The following EVC variants were observed in gnomAD, a reference collection of about 807,000 sequenced individuals.
EVC encodes the protein EvC ciliary complex subunit 1, also known as evC complex member EVC.
A neutral mutation model predicts 118.9 loss-of-function variants in EVC; 116 were observed. That is an observed-to-expected ratio of 0.98 (90% CI 0.84 to 1.14). The LOEUF (loss-of-function observed/expected upper bound fraction) is 1.14. Ranked by LOEUF, EVC falls within the 50% of genes most tolerant of loss-of-function variation. EVC has a pLI of 0.00. For synonymous variants in EVC, 619 were observed against 534.7 expected (o/e 1.16, Z -2.18); for missense variants, 1,401 against 1,246.4 (o/e 1.12, Z -1.87).
intron 13 of EVC, 117 bp downstream of exon 13, chr4:5,793,834 T>A: frequency 1.3e-6 from 1 of 777,168 alleles, no homozygotes; most frequent in Non-Finnish European, 2.3e-6. Flanking sequence ...CCTTTGAATG[T>A]AAATGACTTA....
downstream of EVC, among the ~76,000 whole-genome samples, chr4:5,819,268 T>C (rs557728133): frequency 7.9e-4 from 121 of 152,320 alleles, no homozygotes; most frequent in African/African-American, 2.9e-3. Flanking sequence ...TCCTAATCCC[T>C]GGGCCTGTGA....
chr4:5,824,668 T>TTGACATCCTAGATGTTGC, the EVC span: 10,310 of 962,792 alleles, frequency 0.011, 835 homozygotes, highest in African/African-American at 0.17. Flanking sequence ...ATCCTAGATG[T>TTGACATCCTAGATGTTGC]TGACATCCTA....
At chr4:5,825,448 T>A in the EVC span, 1 of 1,525,322 alleles carries the variant, frequency 6.6e-7, no homozygotes, top group Non-Finnish European at 8.7e-7. The surrounding 1 kb of genome is among the most constrained non-coding windows in gnomAD (Gnocchi z 4.4). Flanking sequence ...GGACTCGGCC[T>A]GAACTGCTGC....
chr4:5,756,023 C>T lies in EVC; in HGVS notation c.1465-241C>T, dbSNP rs1731117162. 6.6e-6 allele frequency among the ~76,000 whole-genome samples: 1 copy of T among 152,144 alleles called. No homozygotes were observed. Among genetic ancestry groups the T allele is most frequent in the African/African-American group, 2.4e-5 (1 of 41,426 alleles). On this transcript the variant is annotated intron_variant, in intron 10 of 20. Transcript: ENST00000264956. This position sits in a 1 kb window ranked among gnomAD's most constrained non-coding sequence, Gnocchi z 4.2. ...CAGAAGTGGTCCAGTGGCCCCTCCT[C>T]ATCCTGGCTTTAACAAAAGCGTGGT... is the stretch of plus-strand genomic sequence containing the variant.
intron 11 of EVC, among the ~76,000 whole-genome samples, chr4:5,768,570 T>A (rs953396609): frequency 1.3e-5 from 2 of 152,086 alleles, no homozygotes; most frequent in African/African-American, 4.8e-5. Context: ...TCAAAATGTA[T>A]TCTCGGCTGG....
At chr4:5,761,353 AC>A (rs1330385874) in intron 11 of EVC, among the ~76,000 whole-genome samples, 1 of 151,994 alleles carries the variant, frequency 6.6e-6, no homozygotes, top group Non-Finnish European at 1.5e-5. Context: ...AAAATGAATG[AC>A]TGAAGCAGGT....
At chr4:5,823,534 G>A in the EVC span, among the ~76,000 whole-genome samples, 4 of 152,226 alleles carry the variant, frequency 2.6e-5, no homozygotes, top group Non-Finnish European at 5.9e-5. Context: ...CCTAATGGGA[G>A]GGGTTTGGGT....
intron 11 of EVC, among the ~76,000 whole-genome samples, chr4:5,764,581 C>T (rs1017498627): frequency 2.7e-5 from 4 of 150,438 alleles, no homozygotes; most frequent in African/African-American, 9.8e-5. Context: ...AACTTCAGCT[C>T]CTGTTATTGG....
chr4:5,788,922 G>C (rs993941485), intron 12 of EVC, among the ~76,000 whole-genome samples: 1 of 150,544 alleles, frequency 6.6e-6, no homozygotes, highest in Non-Finnish European at 1.5e-5. Flanking sequence ...GCTGTCATTC[G>C]TGTTAGTGCA....
intron 8 of EVC, among the ~76,000 whole-genome samples, chr4:5,752,213 T>G (rs1730486381): frequency 6.6e-6 from 1 of 152,012 alleles, no homozygotes; most frequent in Non-Finnish European, 1.5e-5. Flanking sequence ...TTACTCTCAT[T>G]CCACAAGCAG....
At chr4:5,727,624 G>A (rs1251947062) in intron 2 of EVC, among the ~76,000 whole-genome samples, 2 of 151,476 alleles carry the variant, frequency 1.3e-5, no homozygotes, top group Non-Finnish European at 3.0e-5. Context: ...TGCTTTTGGT[G>A]TTTTAGACAT....
chr4:5,730,205 C>G (rs1476811253), intron 3 of EVC, among the ~76,000 whole-genome samples: 1 of 152,200 alleles, frequency 6.6e-6, no homozygotes, highest in East Asian at 1.9e-4. Context: ...GGGTGTTACA[C>G]AAGATAACAT....
rs202236029 is a variant in EVC at position 5,802,036 on chromosome 4, C to A, written c.2391C>A (p.Ile797=). ...TGGTGCAGGCGTATTACCAGCAAAT[C>A]GGAAGGATCATGGAGGACCACGAGG... The part of the protein sequence containing the change: ...SRLVQAYYQQ[I]GRIMEDHEER... The change falls in exon 16 of 21, where the codon ATC becomes ATA. Residue 797 remains isoleucine, a synonymous_variant. Coordinates refer to ENST00000264956, the MANE Select transcript of EVC (RefSeq NM_153717.3). 1.2e-6 allele frequency: 2 copies of A among 1,614,202 alleles called. No homozygotes were observed. Among genetic ancestry groups the A allele is most frequent in the East Asian group, 2.2e-5 (1 of 44,884 alleles).
At chr4:5,824,723 G>C in the EVC span, 1 of 984,656 alleles carries the variant, frequency 1.0e-6, no homozygotes, top group Non-Finnish European at 1.2e-6. Flanking sequence ...TTACTATCCG[G>C]CCTTCTAAGA....
chr4:5,733,370 A>G lies in EVC; in HGVS notation c.637A>G (p.Ile213Val), dbSNP rs772174934. 2 of 1,613,980 alleles carry G rather than the reference A, an allele frequency of 1.2e-6. No homozygotes were observed. The highest frequency in any genetic ancestry group is 1.1e-5 in the South Asian group (1 of 91,078). Residue 213 changes from isoleucine (I) to valine (V), a missense_variant, in exon 5 of 21, where the codon ATC (isoleucine) becomes GTC (valine). Physicochemically the swap from Ile to Val is conservative, Grantham distance 29. Coordinates refer to ENST00000264956, the MANE Select transcript of EVC (RefSeq NM_153717.3). ...ACESVDVDLC[I>V]YSLHLKDLLH... ...TTGCAGTGTAGACGTTGACCTGTGTATCTACAGCCTTCACTTAAAAGACCT... is the reference window on the plus strand; with the variant it reads ...TTGCAGTGTAGACGTTGACCTGTGTGTCTACAGCCTTCACTTAAAAGACCT...
the EVC span, chr4:5,828,464 C>A: frequency 6.2e-7 from 1 of 1,606,440 alleles, no homozygotes; most frequent in Non-Finnish European, 8.5e-7. Flanking sequence ...CACGGGTGGG[C>A]CCGCTCCCCT....
chr4:5,748,229 C>A lies in EVC; in HGVS notation c.1021C>A (p.Gln341Lys). The A allele has an allele frequency of 1.2e-6, 2 of 1,614,192 alleles. No homozygotes were observed. Among genetic ancestry groups the A allele is most frequent in the Non-Finnish European group, 1.7e-6 (2 of 1,180,028 alleles). Residue 341 changes from glutamine (Q) to lysine (K), a missense_variant, in exon 8 of 21, where the codon CAG (glutamine) becomes AAG (lysine). Coordinates refer to ENST00000264956, the MANE Select transcript of EVC (RefSeq NM_153717.3). ...QFKCSSSKAR[Q>K]LMMTLTERMI... ...TAAGTGTTCCAGCTCCAAAGCCCGA[C>A]AGCTGATGATGACTCTGACGGAAAG...
intron 8 of EVC, among the ~76,000 whole-genome samples, chr4:5,750,267 G>C (rs1730151926): frequency 6.6e-6 from 1 of 152,100 alleles, no homozygotes; most frequent in African/African-American, 2.4e-5. Flanking sequence ...CTCTGCAAAG[G>C]TGAAAGACTT....
chr4:5,715,951 C>G (rs1024190583), intron 1 of EVC, among the ~76,000 whole-genome samples: 2 of 152,078 alleles, frequency 1.3e-5, no homozygotes, highest in African/African-American at 4.8e-5. Context: ...ACCATGTTGG[C>G]CAGTCTGGTC....
Sources: allele counts gnomAD v4.1 joint callset (sites outside exome capture counted in the v4.1 genomes callset), GRCh38; gene constraint gnomAD v4.1.1; non-coding constraint Gnocchi (gnomAD v3.1); transcripts MANE v1.5; gene names NCBI Gene and HGNC (gene_info 2026-07-23, HGNC 2026-07-21).